Variants in TMPRSS13 observed in about 807,000 individuals in gnomAD.
The protein encoded by TMPRSS13 is transmembrane protease serine 13.
TMPRSS13 carries 50 observed loss-of-function variants against 68.4 expected under a neutral mutation model. The observed-to-expected ratio is 0.73, with a 90% CI of 0.58 to 0.93. TMPRSS13 has a LOEUF of 0.93. Ranked by LOEUF, TMPRSS13 falls within the 40% of genes least tolerant of loss-of-function variation. The probability of loss-of-function intolerance (pLI) is 0.00; values close to 1 mark genes in which losing one functional copy is unlikely to be tolerated. For missense variants in TMPRSS13, 615 were observed against 729.2 expected, an observed-to-expected ratio of 0.84 and a Z score of 1.80; for synonymous variants, 267 against 285.8, an observed-to-expected ratio of 0.93 and a Z score of 0.66.
chr11:117,913,686 A>T, intron 5 of TMPRSS13, 91 bp downstream of exon 5: 1 of 1,515,332 alleles, frequency 6.6e-7, no homozygotes, highest in Non-Finnish European at 8.9e-7. Flanking sequence ...GGGTCTTTTT[A>T]ATATAATGTT....
At chr11:117,905,509 T>G (rs1246301355) in intron 10 of TMPRSS13, 129 bp downstream of exon 10, 1 of 677,602 alleles carries the variant, frequency 1.5e-6, no homozygotes, top group Non-Finnish European at 2.5e-6. Context: ...GGCCCATGAA[T>G]CCGTATACCC....
chr11:117,908,563 G>A, intron 9 of TMPRSS13, 49 bp downstream of exon 9: 1 of 1,539,630 alleles, frequency 6.5e-7, no homozygotes, highest in South Asian at 1.2e-5. Context: ...GGGCTGCAGA[G>A]GGTGCTGGGG....
chr11:117,913,896 G>A lies in TMPRSS13; in HGVS notation c.690C>T (p.Asp230=). The A allele has an allele frequency of 6.2e-7, 1 of 1,613,848 alleles. No individual in the cohort carries two copies. Among genetic ancestry groups the A allele is most frequent in the Non-Finnish European group, 8.5e-7 (1 of 1,179,958 alleles). ...AGATTTTAAGCAGAGACTTGTCCCA[G>A]TCAAACCTCACTGCAGGGCAAGAAA... is the stretch of plus-strand genomic sequence containing the variant. ...KSDELGCVRF[D]WDKSLLKIYS... is the part of the protein sequence containing the mutation. Residue 230 remains aspartate, a synonymous_variant, in exon 5 of 13, where the codon GAC becomes GAT. Transcript: ENST00000524993.
At chr11:117,918,889 C>T (rs2057613818) in intron 1 of TMPRSS13, 51 bp from the exon 2 acceptor site, 21 of 1,603,110 alleles carry the variant, frequency 1.3e-5, no homozygotes, top group East Asian at 6.7e-5. Flanking sequence ...GCCAACCCAC[C>T]CCAGCTGTCA....
chr11:117,917,286 GC>G lies in TMPRSS13; in HGVS notation c.452-13del, dbSNP rs1419903229. 1 of 1,605,302 alleles carries G rather than the reference GC, an allele frequency of 6.2e-7. No individual in the cohort carries two copies. Among genetic ancestry groups the G allele is most frequent in the Non-Finnish European group, 8.5e-7 (1 of 1,175,822 alleles). On this transcript the variant is annotated splice_polypyrimidine_tract_variant and intron_variant, in intron 2 of 12. Coordinates refer to ENST00000524993, the MANE Select transcript of TMPRSS13 (RefSeq NM_001077263.3). ...GGGCAGGCTCGTACCTAGGAGCAGGGCGGCAGCAGGGGAATATGAGGCTGGA... is the reference window on the plus strand; with the variant it reads ...GGGCAGGCTCGTACCTAGGAGCAGGGGGCAGCAGGGGAATATGAGGCTGGA...
chr11:117,918,950 G>A, intron 1 of TMPRSS13, 112 bp from the exon 2 acceptor site: 1 of 1,436,922 alleles, frequency 7.0e-7, no homozygotes, highest in East Asian at 2.4e-5. Context: ...TAGGGGTTGA[G>A]CAAAGCCCCC....
Position 117,918,481 on chromosome 11 carries a change from C to G in TMPRSS13, c.379G>C (p.Val127Leu), listed in dbSNP as rs374031454. ...TRVYLVRATP[V>L]GAVPIRSSPA... ...GATGATCGGATGGGTACAGCCCCCA[C>G]TGGTGTTGCTCTAACAAGGTACACT... Residue 127 changes from valine to leucine, a missense_variant, in exon 2 of 13, where the codon GTG becomes CTG. Coordinates refer to ENST00000524993, the MANE Select transcript of TMPRSS13 (RefSeq NM_001077263.3). The G allele has an allele frequency of 6.8e-6, 11 of 1,614,240 alleles. No homozygotes were observed. In the African/African-American group the frequency reaches 8.0e-5, roughly 12 times the overall value.
rs1312306626 is a variant in TMPRSS13 at position 117,913,772 on chromosome 11, G to T, written c.809+5C>A. On this transcript the variant is annotated splice_donor_5th_base_variant and intron_variant, in intron 5 of 12. Transcript: ENST00000524993. ...CCTGGACTCTGGGGCCAGGTTGGGG[G>T]TTACCTCTCGAAACCCAGCTGCTGG... The T allele has an allele frequency of 3.1e-6, 5 of 1,613,826 alleles. No individual in the cohort carries two copies.
rs765028775 is a variant in TMPRSS13 at position 117,903,634 on chromosome 11, G to A, written c.1677+21C>T. 23 of 1,613,930 alleles carry A rather than the reference G, an allele frequency of 1.4e-5. No homozygotes were observed. The East Asian group carries it at 4.7e-4, about 33-fold the overall frequency. The stretch of plus-strand genomic sequence containing the variant: ...AAGTTCCCAGCCTGCTGGGTGCAGT[G>A]TCCTGCTGCAGGGATCTTACCTCCA... On this transcript the variant is annotated intron_variant, in intron 12 of 12. Coordinates refer to ENST00000524993, the MANE Select transcript of TMPRSS13 (RefSeq NM_001077263.3).
In TMPRSS13 at chr11:117,902,094, AC is replaced by A. The variant is rs2134869676; in HGVS notation, c.*144del. 2.3e-6 allele frequency: 2 copies of A among 855,180 alleles called. No individual in the cohort carries two copies. Among genetic ancestry groups the A allele is most frequent in the South Asian group, 3.0e-5 (2 of 66,784 alleles). 53.0% of individuals were successfully genotyped at this position (855,180 alleles called of 1,614,324 possible). On this transcript the variant is annotated 3_prime_UTR_variant, in exon 13 of 13. Transcript: ENST00000524993. ...TATGCACACACACACACACACACAC[AC>A]ACACACACAGAGGCAGCAGACAGTG...
intron 9 of TMPRSS13, among the ~76,000 whole-genome samples, chr11:117,907,198 G>C (rs1011320876): frequency 2.6e-5 from 4 of 152,190 alleles, no homozygotes; most frequent in African/African-American, 9.7e-5. Context: ...GCCTGCTCTG[G>C]TCCTGCAGTC....
chr11:117,901,433 G>A lies in TMPRSS13; in HGVS notation c.*806C>T, dbSNP rs2057409956. 1 of 152,578 alleles carries A rather than the reference G, an allele frequency of 6.6e-6. No homozygotes were observed. The highest frequency in any genetic ancestry group is 2.4e-5 in the African/African-American group (1 of 41,424). The allele number at this position is 152,578 out of a possible 1,614,324, so 9.5% of individuals were successfully genotyped here. A position where few individuals can be genotyped will look rare whatever the true frequency, so the allele number is the denominator to read the frequency against. On this transcript the variant is annotated 3_prime_UTR_variant, in exon 13 of 13. Transcript: ENST00000524993. Reference sequence around the variant, plus strand: ...CCAGTCTCTTCATCCAGTTCCTTGAGGCCAGAAATATTCTGTAGGACTCTA... The same window carrying A: ...CCAGTCTCTTCATCCAGTTCCTTGAAGCCAGAAATATTCTGTAGGACTCTA...
At chr11:117,904,845 G>A (rs1035465958) in intron 10 of TMPRSS13, among the ~76,000 whole-genome samples, 2 of 127,876 alleles carry the variant, frequency 1.6e-5, no homozygotes, top group African/African-American at 5.6e-5. Context: ...TTACCACTTA[G>A]AGCTCCTAGA....
chr11:117,909,414 C>T (rs149016393), intron 8 of TMPRSS13, among the ~76,000 whole-genome samples: 2 of 152,348 alleles, frequency 1.3e-5, no homozygotes, highest in Non-Finnish European at 2.9e-5. Context: ...GATACAGTGC[C>T]CTGCCTGCAA....
intron 1 of TMPRSS13, among the ~76,000 whole-genome samples, chr11:117,925,147 G>T (rs2057692853): frequency 2.0e-5 from 3 of 152,192 alleles, no homozygotes; most frequent in African/African-American, 7.2e-5. Context: ...CAGACCAGCT[G>T]GTGGGGACTG....
At chr11:117,926,832 G>A (rs2057712508) in intron 1 of TMPRSS13, among the ~76,000 whole-genome samples, 1 of 152,046 alleles carries the variant, frequency 6.6e-6, no homozygotes, top group African/African-American at 2.4e-5. Context: ...CAAATTCTAG[G>A]CAGTGATGAT....
chr11:117,911,069 C>G (rs1277054868), intron 6 of TMPRSS13, among the ~76,000 whole-genome samples: 1 of 152,242 alleles, frequency 6.6e-6, no homozygotes, highest in African/African-American at 2.4e-5. Flanking sequence ...CTTTTCACAA[C>G]TAAACAGGTG....
chr11:117,902,944 C>A, intron 12 of TMPRSS13: 1 of 1,007,422 alleles, frequency 9.9e-7, no homozygotes, highest in Non-Finnish European at 1.2e-6. Flanking sequence ...AGGCCAAGGG[C>A]AAGGTAAGGC....
intron 5 of TMPRSS13, among the ~76,000 whole-genome samples, chr11:117,912,382 G>T (rs960118897): frequency 2.6e-5 from 4 of 152,220 alleles, no homozygotes; most frequent in Non-Finnish European, 5.9e-5. Flanking sequence ...GTACATTAAA[G>T]CGTGAGAAGC....
Sources: allele counts gnomAD v4.1 joint callset (sites outside exome capture counted in the v4.1 genomes callset), GRCh38; gene constraint gnomAD v4.1.1; transcripts MANE v1.5; gene names NCBI Gene and HGNC (gene_info 2026-07-23, HGNC 2026-07-21).